Variants in RAPGEF4 observed in about 807,000 individuals in gnomAD.
RAPGEF4 encodes the protein RAP guanine-nucleotide-exchange factor (GEF) 4.
A neutral mutation model predicts 147.9 loss-of-function variants in RAPGEF4; 66 were observed. The ratio of observed to expected loss-of-function variants is 0.45; its 90% CI spans 0.37 to 0.55. The LOEUF is 0.55. Among genes scored for constraint, RAPGEF4 ranks in the 20% least tolerant of loss-of-function variants. The pLI, the probability that RAPGEF4 is intolerant of heterozygous loss-of-function variation, is 0.00. For missense variants in RAPGEF4, 1,071 were observed against 1,257.3 expected, an observed-to-expected ratio of 0.85 and a Z score of 2.24; for synonymous variants, 419 against 442.7, an observed-to-expected ratio of 0.95 and a Z score of 0.67.
chr2:172,992,257 T>C (rs1692910049), intron 15 of RAPGEF4, among the ~76,000 whole-genome samples: 2 of 152,270 alleles, frequency 1.3e-5, no homozygotes, highest in Non-Finnish European at 2.9e-5. Flanking sequence ...CCTTATTATT[T>C]ATTGTTTTCT....
chr2:172,830,456 G>A (rs559230349), intron 4 of RAPGEF4, among the ~76,000 whole-genome samples: 100 of 152,298 alleles, frequency 6.6e-4, no homozygotes, highest in Non-Finnish European at 1.1e-3. Context: ...TTTCACAGAT[G>A]TGTGGTTTTG....
chr2:172,870,954 A>G (rs186539753), intron 4 of RAPGEF4, among the ~76,000 whole-genome samples: 2 of 152,328 alleles, frequency 1.3e-5, no homozygotes, highest in African/African-American at 2.4e-5. Context: ...AATTTTTGGT[A>G]TAAAACTTGT....
At chr2:172,939,360 T>C (rs1686918011) in intron 6 of RAPGEF4, among the ~76,000 whole-genome samples, 1 of 152,174 alleles carries the variant, frequency 6.6e-6, no homozygotes, top group South Asian at 2.1e-4. Context: ...AATAGATATG[T>C]AGTGGTATCT....
chr2:172,789,711 G>A (rs534114549), intron 1 of RAPGEF4, among the ~76,000 whole-genome samples: 1 of 152,216 alleles, frequency 6.6e-6, no homozygotes, highest in African/African-American at 2.4e-5. Context: ...GGAAATATGC[G>A]GTATTTGTCT....
intron 4 of RAPGEF4, among the ~76,000 whole-genome samples, chr2:172,875,756 T>G (rs1251347333): frequency 6.6e-6 from 1 of 151,348 alleles, no homozygotes; most frequent in Non-Finnish European, 1.5e-5. Flanking sequence ...GATATGAACT[T>G]TAGTTTTTTC....
chr2:172,965,445 C>A, intron 8 of RAPGEF4, 117 bp from the exon 9 acceptor site: 1 of 1,182,746 alleles, frequency 8.5e-7, no homozygotes, highest in Non-Finnish European at 1.2e-6. Context: ...TGCCATGAGA[C>A]CTCTTCTGGT....
At chr2:172,827,468 ATAACCTCTTCCTTTACAT>A (rs1689794019) in intron 4 of RAPGEF4, among the ~76,000 whole-genome samples, 1 of 152,030 alleles carries the variant, frequency 6.6e-6, no homozygotes, top group Non-Finnish European at 1.5e-5. Flanking sequence ...AATCAGTCAT[ATAACCTCTTCCTTTACAT>A]TAACCTCTTC....
intron 4 of RAPGEF4, among the ~76,000 whole-genome samples, chr2:172,852,651 G>A (rs904317482): frequency 3.9e-5 from 6 of 151,996 alleles, no homozygotes; most frequent in Non-Finnish European, 8.8e-5. Context: ...TTATCACACT[G>A]GCAAGGACCA....
intron 8 of RAPGEF4, among the ~76,000 whole-genome samples, chr2:172,963,409 C>T (rs1231519503): frequency 1.3e-5 from 2 of 152,098 alleles, no homozygotes; most frequent in African/African-American, 4.8e-5. Flanking sequence ...GTTAAAGGAA[C>T]TTTTTCTTTT....
chr2:172,992,585 G>T (rs1489018467), intron 15 of RAPGEF4, among the ~76,000 whole-genome samples: 2 of 152,190 alleles, frequency 1.3e-5, no homozygotes, highest in Non-Finnish European at 1.5e-5. Context: ...AAAAGCATTT[G>T]CCTGTTACAA....
chr2:172,810,714 C>G (rs1687943223), intron 3 of RAPGEF4, among the ~76,000 whole-genome samples: 1 of 152,200 alleles, frequency 6.6e-6, no homozygotes, highest in Non-Finnish European at 1.5e-5. Context: ...CCATGTGTCA[C>G]CCAAAACATA....
chr2:172,866,050 C>T (rs867746015), intron 4 of RAPGEF4, among the ~76,000 whole-genome samples: 2 of 152,100 alleles, frequency 1.3e-5, no homozygotes, highest in Non-Finnish European at 1.5e-5. Flanking sequence ...TTATATCTTT[C>T]ACCTTTTCAT....
intron 4 of RAPGEF4, among the ~76,000 whole-genome samples, chr2:172,895,694 T>C (rs1475261842): frequency 6.6e-6 from 1 of 152,162 alleles, no homozygotes; most frequent in Non-Finnish European, 1.5e-5. Flanking sequence ...TGTGTTCAGG[T>C]CACCAAGGGC....
chr2:172,927,499 G>C (rs1685487788), intron 6 of RAPGEF4, among the ~76,000 whole-genome samples: 1 of 152,060 alleles, frequency 6.6e-6, no homozygotes, highest in Admixed American at 6.5e-5. Flanking sequence ...TCAGATAATT[G>C]ATGGCTCATG....
chr2:172,909,660 C>T (rs1699921727), intron 4 of RAPGEF4, among the ~76,000 whole-genome samples: 1 of 152,134 alleles, frequency 6.6e-6, no homozygotes, highest in Admixed American at 6.5e-5. Context: ...ACTGCTGACC[C>T]CAGGTTTAAG....
intron 4 of RAPGEF4, among the ~76,000 whole-genome samples, chr2:172,861,601 T>C (rs368967330): frequency 1.3e-5 from 2 of 152,334 alleles, no homozygotes; most frequent in African/African-American, 4.8e-5. Context: ...TTGACCAAAC[T>C]GCAGGGTTCT....
Position 172,960,889 on chromosome 2 carries a change from G to A in RAPGEF4, c.591+76G>A, listed in dbSNP as rs1575380101. Reference sequence around the variant, plus strand: ...CCTCTGGAGGTGGTCCATATGTCAGGGGATCACATCAGGAAGCCTCTGATA... The same window carrying A: ...CCTCTGGAGGTGGTCCATATGTCAGAGGATCACATCAGGAAGCCTCTGATA... On this transcript the variant is annotated intron_variant, in intron 7 of 30. Transcript: ENST00000397081. 6.5e-6 allele frequency: 8 copies of A among 1,229,198 alleles called. No homozygotes were observed. In the East Asian group the frequency reaches 1.6e-4, roughly 25 times the overall value. The allele number at this position is 1,229,198 out of a possible 1,614,324, so 76.1% of individuals were successfully genotyped here.
At chr2:172,851,911 A>G (rs996027204) in intron 4 of RAPGEF4, among the ~76,000 whole-genome samples, 16 of 152,310 alleles carry the variant, frequency 1.1e-4, no homozygotes, top group South Asian at 6.2e-4. Flanking sequence ...GAGACTTGCA[A>G]TTTATCTATA....
At chr2:172,916,897 A>G (rs1457103691) in intron 4 of RAPGEF4, among the ~76,000 whole-genome samples, 1 of 152,198 alleles carries the variant, frequency 6.6e-6, no homozygotes, top group African/African-American at 2.4e-5. Context: ...TTTTGATGCT[A>G]TTTAACATGT....
Sources: gnomAD v4.1 joint callset for allele counts (sites outside exome capture counted in the v4.1 genomes callset) on GRCh38, gnomAD v4.1.1 for gene constraint, MANE v1.5 for transcripts, NCBI Gene and HGNC (gene_info 2026-07-23, HGNC 2026-07-21) for gene names.